Variants in PPARGC1A observed in about 807,000 individuals in gnomAD.
PPARGC1A encodes the protein PPARG coactivator 1 alpha, also known as peroxisome proliferator-activated receptor gamma coactivator 1-alpha.
Under a neutral mutation model 88.7 loss-of-function variants are expected in PPARGC1A, and 25 were observed. The ratio of observed to expected loss-of-function variants is 0.28; its 90% CI spans 0.21 to 0.39. The LOEUF is 0.39. PPARGC1A is among the 10% of genes least tolerant of loss of function. The pLI is 1.00. For missense variants in PPARGC1A, 880 were observed against 968.7 expected, an observed-to-expected ratio of 0.91 and a Z score of 1.22; for synonymous variants, 363 against 355.6, an observed-to-expected ratio of 1.02 and a Z score of -0.24.
chr4:24,081,489 C>A, the PPARGC1A span, among the ~76,000 whole-genome samples: 1 of 152,196 alleles, frequency 6.6e-6, no homozygotes, highest in South Asian at 2.1e-4. Context: ...ATGTAATAGA[C>A]CTGCTGGACT....
intron 5 of PPARGC1A, among the ~76,000 whole-genome samples, chr4:23,824,734 AT>A (rs1723625596): frequency 6.6e-6 from 1 of 152,058 alleles, no homozygotes; most frequent in African/African-American, 2.4e-5. Flanking sequence ...TGAAAATAGA[AT>A]TTTTCCAAAA....
At chr4:24,239,847 G>A in the PPARGC1A span, among the ~76,000 whole-genome samples, 1 of 152,270 alleles carries the variant, frequency 6.6e-6, no homozygotes, top group Admixed American at 6.5e-5. Flanking sequence ...GAAGATGGGG[G>A]ATTGGAAGGG....
chr4:24,116,713 A>G, the PPARGC1A span, among the ~76,000 whole-genome samples: 1 of 152,206 alleles, frequency 6.6e-6, no homozygotes, highest in Admixed American at 6.5e-5. Flanking sequence ...AAGGAACACG[A>G]AGAAACAGAC....
the PPARGC1A span, among the ~76,000 whole-genome samples, chr4:24,144,836 G>A: frequency 3.6e-4 from 55 of 152,134 alleles, no homozygotes; most frequent in African/African-American, 1.1e-3. Context: ...CTAACATTTG[G>A]CAAAATCACC....
At chr4:24,135,032 T>C in the PPARGC1A span, among the ~76,000 whole-genome samples, 1 of 152,326 alleles carries the variant, frequency 6.6e-6, no homozygotes, top group Non-Finnish European at 1.5e-5. Context: ...ACTGCTCCTG[T>C]GGCCCCTTCG....
chr4:24,470,324 A>ACACACT, the PPARGC1A span, among the ~76,000 whole-genome samples: 102 of 107,840 alleles, frequency 9.5e-4, no homozygotes, highest in African/African-American at 1.2e-3. The surrounding 1 kb of genome is among the most constrained non-coding windows in gnomAD (Gnocchi z 5.8). Flanking sequence ...ACACACACAC[A>ACACACT]CTCTCTCACA....
chr4:24,458,514 A>G, the PPARGC1A span, among the ~76,000 whole-genome samples: 2 of 152,180 alleles, frequency 1.3e-5, no homozygotes, highest in African/African-American at 4.8e-5. Context: ...AGAAAAGGAA[A>G]AGATAAGAAA....
chr4:24,358,008 T>A, the PPARGC1A span, among the ~76,000 whole-genome samples: 2 of 152,204 alleles, frequency 1.3e-5, no homozygotes, highest in Non-Finnish European at 2.9e-5. Flanking sequence ...GTCCTTCCTG[T>A]TAGAAAAGAG....
At chr4:23,918,034 T>A in the PPARGC1A span, among the ~76,000 whole-genome samples, 1 of 152,290 alleles carries the variant, frequency 6.6e-6, no homozygotes, top group South Asian at 2.1e-4. Context: ...ATGGCTCCAG[T>A]GCCGGCATGA....
At chr4:24,204,077 G>T in the PPARGC1A span, among the ~76,000 whole-genome samples, 19 of 152,292 alleles carry the variant, frequency 1.2e-4, no homozygotes, top group African/African-American at 4.6e-4. Flanking sequence ...ATTTTAAAGG[G>T]TAAGTATAGT....
chr4:24,361,918 A>G, the PPARGC1A span, among the ~76,000 whole-genome samples: 1 of 152,196 alleles, frequency 6.6e-6, no homozygotes, highest in African/African-American at 2.4e-5. Flanking sequence ...CAGTCTCCTC[A>G]AATACAAATC....
the PPARGC1A span, among the ~76,000 whole-genome samples, chr4:23,967,544 A>C: frequency 6.6e-6 from 1 of 152,100 alleles, no homozygotes; most frequent in Non-Finnish European, 1.5e-5. Flanking sequence ...TGTCAGGTTC[A>C]AGGGAAGGAA....
the PPARGC1A span, among the ~76,000 whole-genome samples, chr4:24,108,658 G>A: frequency 6.6e-6 from 1 of 152,050 alleles, no homozygotes; most frequent in African/African-American, 2.4e-5. Flanking sequence ...GGCCCAGAAA[G>A]ATCAAATAAC....
At chr4:23,808,503 C>G (rs780194460) in intron 10 of PPARGC1A, among the ~76,000 whole-genome samples, 1 of 152,008 alleles carries the variant, frequency 6.6e-6, no homozygotes, top group Non-Finnish European at 1.5e-5. Flanking sequence ...GAAAACTGTA[C>G]AGATTGCAAA....
intron 7 of PPARGC1A, among the ~76,000 whole-genome samples, chr4:23,821,237 G>A (rs960615968): frequency 6.6e-6 from 1 of 152,120 alleles, no homozygotes; most frequent in Middle Eastern, 3.4e-3. Context: ...TTGAACCCAG[G>A]GTCCATTAGA....
In PPARGC1A at chr4:23,807,336, G is replaced by T. The variant is rs981803469; in HGVS notation, c.2020-4991C>A. On this transcript the variant is annotated intron_variant, in intron 10 of 12. Transcript: ENST00000264867. ...GTCAATAAATGCCTACTACTAGGGG[G>T]TGTTCTTAGAGAAAAAACAAAATTG... 2.4e-4 allele frequency among the ~76,000 whole-genome samples: 36 copies of T among 152,262 alleles called. 1 individual carries two copies. Among genetic ancestry groups the T allele is most frequent in the African/African-American group, 7.5e-4 (31 of 41,556 alleles).
At chr4:24,148,036 T>TC in the PPARGC1A span, among the ~76,000 whole-genome samples, 2 of 152,108 alleles carry the variant, frequency 1.3e-5, no homozygotes, top group Admixed American at 1.3e-4. Context: ...AATTTGAAAA[T>TC]CCAGTCCCCA....
In PPARGC1A at chr4:23,801,807, C is replaced by T. The variant is rs145169644; in HGVS notation, c.2216G>A (p.Arg739His). The change falls in exon 12 of 13, where the codon CGC (arginine) becomes CAC (histidine). Residue 739 changes from arginine (R) to histidine (H), a missense_variant. Arg to His is a conservative substitution (Grantham distance 29). Coordinates refer to ENST00000264867, the MANE Select transcript of PPARGC1A (RefSeq NM_013261.5). ...CTCAAAGTCAGTTTCGTTTGACCTGCGCAAAGTGTATCCATTTTCAAGAGC... is the reference window on the plus strand; with the variant it reads ...CTCAAAGTCAGTTTCGTTTGACCTGTGCAAAGTGTATCCATTTTCAAGAGC... Reference protein sequence around the residue: ...FAALENGYTLRRSNETDFELY... With the variant: ...FAALENGYTLHRSNETDFELY... 1.2e-5 allele frequency: 19 copies of T among 1,613,964 alleles called. No homozygotes were observed. Among genetic ancestry groups the T allele is most frequent in the East Asian group, 4.5e-5 (2 of 44,796 alleles).
At chr4:23,810,966 G>A (rs763194029) in intron 10 of PPARGC1A, among the ~76,000 whole-genome samples, 6 of 152,082 alleles carry the variant, frequency 3.9e-5, no homozygotes, top group East Asian at 1.9e-4. Flanking sequence ...ATTAGTCTTC[G>A]TAAGTGTTAA....
Sources: gnomAD v4.1 joint callset for allele counts (sites outside exome capture counted in the v4.1 genomes callset) on GRCh38, gnomAD v4.1.1 for gene constraint, Gnocchi (gnomAD v3.1) non-coding constraint, MANE v1.5 for transcripts, NCBI Gene and HGNC (gene_info 2026-07-23, HGNC 2026-07-21) for gene names.